Variants in CASP6 observed in about 807,000 individuals in gnomAD.
CASP6 encodes caspase-6.
CASP6 carries 20 observed loss-of-function variants against 31.8 expected under a neutral mutation model. The ratio of observed to expected loss-of-function variants is 0.63; its 90% CI spans 0.44 to 0.91. The LOEUF (loss-of-function observed/expected upper bound fraction) is 0.91, where lower values mean the gene tolerates loss of function less well. CASP6 is among the 40% of genes least tolerant of loss of function. The probability of loss-of-function intolerance (pLI) is 0.00; values close to 1 mark genes in which losing one functional copy is unlikely to be tolerated. For missense variants in CASP6, 328 were observed against 361.1 expected, an observed-to-expected ratio of 0.91 and a Z score of 0.74; for synonymous variants, 130 against 127.8, an observed-to-expected ratio of 1.02 and a Z score of -0.12.
chr4:109,672,518 G>C, the CASP6 span, among the ~76,000 whole-genome samples: 773 of 152,282 alleles, frequency 5.1e-3, 3 homozygotes, highest in African/African-American at 0.018. Context: ...AGACTGTTAA[G>C]GGTAGGAGGA....
the CASP6 span, among the ~76,000 whole-genome samples, chr4:109,667,743 T>G: frequency 2.0e-5 from 3 of 151,366 alleles, no homozygotes; most frequent in African/African-American, 7.3e-5. Flanking sequence ...AAAGTATAAG[T>G]TCAGATCTTA....
the CASP6 span, among the ~76,000 whole-genome samples, chr4:109,671,375 A>G: frequency 2.0e-5 from 3 of 152,002 alleles, no homozygotes; most frequent in African/African-American, 4.8e-5. Flanking sequence ...CACTTGTGCA[A>G]TTGTCCCACA....
downstream of CASP6, chr4:109,684,711 A>G: frequency 1.3e-6 from 1 of 771,772 alleles, no homozygotes; most frequent in Non-Finnish European, 2.2e-6. Flanking sequence ...TATCTAAGCA[A>G]TGAGCAAAAA....
At chr4:109,680,621 A>G in the CASP6 span, among the ~76,000 whole-genome samples, 1 of 152,170 alleles carries the variant, frequency 6.6e-6, no homozygotes, top group African/African-American at 2.4e-5. Flanking sequence ...AAAAGAGAAC[A>G]CCTAGCTTTC....
chr4:109,687,486 T>C, downstream of CASP6: 1 of 1,513,922 alleles, frequency 6.6e-7, no homozygotes, highest in Non-Finnish European at 9.2e-7. Context: ...TTCTTTCTGA[T>C]CACATGCTTT....
chr4:109,687,452 A>G, downstream of CASP6: 1 of 1,123,244 alleles, frequency 8.9e-7, no homozygotes, highest in Admixed American at 1.8e-5. Context: ...ATTCCTCTCA[A>G]GCAGTAATGT....
chr4:109,687,365 AAT>A (rs1054937797), downstream of CASP6: 1 of 549,112 alleles, frequency 1.8e-6, no homozygotes, highest in Non-Finnish European at 3.2e-6. Context: ...TCTCAAGAAA[AAT>A]ATATATATAT....
At chr4:109,671,469 C>G in the CASP6 span, among the ~76,000 whole-genome samples, 2 of 152,240 alleles carry the variant, frequency 1.3e-5, no homozygotes, top group Non-Finnish European at 2.9e-5. Flanking sequence ...TGGCATACCC[C>G]CAAGCTGACT....
chr4:109,676,219 T>C, the CASP6 span, among the ~76,000 whole-genome samples: 16 of 152,068 alleles, frequency 1.1e-4, no homozygotes, highest in Non-Finnish European at 2.1e-4. Flanking sequence ...TTTACTTAAG[T>C]GGTCATGATC....
chr4:109,696,522 CTT>C, intron 3 of CASP6, 36 bp from the exon 4 acceptor site: 1 of 1,453,252 alleles, frequency 6.9e-7, no homozygotes, highest in Non-Finnish European at 9.6e-7. Context: ...AGCCTATAAA[CTT>C]TTCAAAGTTG....
chr4:109,706,898 C>T (rs1231877843), upstream of CASP6, among the ~76,000 whole-genome samples: 1 of 152,108 alleles, frequency 6.6e-6, no homozygotes, highest in Non-Finnish European at 1.5e-5. Context: ...CAGAACGAGA[C>T]TCCATCTCAA....
At position 109,689,554 on chromosome 4, in the gene CASP6, G is replaced by A. The variant is rs752173591; in HGVS notation, c.658C>T (p.Arg220Trp). ...YSVAEGYYSH[R>W]ETVNGSWYIQ... Reference sequence around the variant, plus strand: ...TACCATGAGCCGTTCACAGTTTCCCGGTGAGAATAATATCCTAAAAAAGTG... The same window carrying A: ...TACCATGAGCCGTTCACAGTTTCCCAGTGAGAATAATATCCTAAAAAAGTG... The change falls in exon 7 of 7, where the codon CGG (arginine) becomes TGG (tryptophan). Residue 220 changes from arginine (R) to tryptophan (W), a missense_variant. Transcript: ENST00000265164. 11 of 1,613,942 alleles carry A rather than the reference G, an allele frequency of 6.8e-6. No individual in the cohort carries two copies. The highest frequency in any genetic ancestry group is 2.7e-5 in the African/African-American group (2 of 74,994).
At chr4:109,702,142 G>A (rs5030523) in intron 1 of CASP6, among the ~76,000 whole-genome samples, 2,960 of 152,254 alleles carry the variant, frequency 0.019, 43 homozygotes, top group Non-Finnish European at 0.03. Context: ...GGAAAGCCCC[G>A]GCTTCCCGCC....
At chr4:109,703,578 A>G (rs577938708), upstream of CASP6, 3 of 719,870 alleles carry the variant, frequency 4.2e-6, no homozygotes, top group South Asian at 6.2e-5. Flanking sequence ...TCCCAGAGTT[A>G]AAGCTCCTCC....
the CASP6 span, among the ~76,000 whole-genome samples, chr4:109,674,577 G>T: frequency 4.6e-5 from 7 of 152,276 alleles, no homozygotes; most frequent in Middle Eastern, 3.4e-3. Context: ...TCCAAAAAGT[G>T]CATGGAATAT....
chr4:109,678,124 G>T, the CASP6 span, among the ~76,000 whole-genome samples: 2 of 151,930 alleles, frequency 1.3e-5, no homozygotes, highest in African/African-American at 2.4e-5. Context: ...CAGAGAGCAC[G>T]GGGTTGGGGG....
the CASP6 span, chr4:109,682,448 C>T: frequency 1.5e-6 from 1 of 678,496 alleles, no homozygotes; most frequent in South Asian, 2.0e-5. Context: ...CCTTTGTTTA[C>T]ATGTTTGTAC....
At chr4:109,685,048 C>T (rs562924267), downstream of CASP6, 12 of 418,062 alleles carry the variant, frequency 2.9e-5, no homozygotes, top group African/African-American at 2.5e-4. Flanking sequence ...TCCCAGCTTG[C>T]CTGTTTTTGA....
downstream of CASP6, among the ~76,000 whole-genome samples, chr4:109,684,020 C>A (rs539803169): frequency 1.1e-3 from 171 of 150,970 alleles, 1 homozygote; most frequent in African/African-American, 4.0e-3. Flanking sequence ...TGTCTGACCT[C>A]TTCAAAGTAA....
Sources: gnomAD v4.1 joint callset for allele counts (sites outside exome capture counted in the v4.1 genomes callset) on GRCh38, gnomAD v4.1.1 for gene constraint, MANE v1.5 for transcripts, NCBI Gene and HGNC (gene_info 2026-07-23, HGNC 2026-07-21) for gene names.